Variants in VPS37A observed in about 807,000 individuals in gnomAD.
VPS37A encodes VPS37A subunit of ESCRT-I.
A neutral mutation model predicts 49.8 loss-of-function variants in VPS37A; 30 were observed. That is an observed-to-expected ratio of 0.60 (90% CI 0.45 to 0.82). The LOEUF (loss-of-function observed/expected upper bound fraction) is 0.82. Among genes scored for constraint, VPS37A ranks in the 40% least tolerant of loss-of-function variants. VPS37A has a pLI of 0.00. For missense variants in VPS37A, 593 were observed against 464.4 expected (o/e 1.28, Z -2.55); for synonymous variants, 195 against 160.6 (o/e 1.21, Z -1.62).
downstream of VPS37A, chr8:17,305,787 C>T: frequency 6.2e-7 from 1 of 1,613,368 alleles, no homozygotes; most frequent in Non-Finnish European, 8.5e-7. Context: ...TTGGCTGTTA[C>T]ATAGGAAGTT....
chr8:17,295,143 T>C lies in VPS37A; in HGVS notation c.*157T>C, dbSNP rs962757692. On this transcript the variant is annotated 3_prime_UTR_variant, in exon 12 of 12. Coordinates refer to ENST00000324849, the MANE Select transcript of VPS37A (RefSeq NM_152415.3). ...GAACTGAGACTGATTTTGTACCGAT[T>C]AGAATGATTGCTATGATCTTTGAGA... The C allele has an allele frequency of 6.6e-6, 1 of 152,644 alleles. No homozygotes were observed. Among genetic ancestry groups the C allele is most frequent in the African/African-American group, 2.4e-5 (1 of 41,450 alleles). The allele number at this position is 152,644 out of a possible 1,614,324, so 9.5% of individuals were successfully genotyped here. A position where few individuals can be genotyped will look rare whatever the true frequency, so the allele number is the denominator to read the frequency against.
the VPS37A span, among the ~76,000 whole-genome samples, chr8:17,330,102 A>T: frequency 6.6e-6 from 1 of 152,216 alleles, no homozygotes; most frequent in Non-Finnish European, 1.5e-5. Context: ...GATGAACCAG[A>T]AAGTCCAGGA....
chr8:17,258,574 T>C (rs748763477), intron 1 of VPS37A, among the ~76,000 whole-genome samples: 5 of 152,312 alleles, frequency 3.3e-5, no homozygotes, highest in Admixed American at 6.5e-5. Flanking sequence ...GTATGTATGT[T>C]AATCTGTAAT....
the VPS37A span, among the ~76,000 whole-genome samples, chr8:17,316,748 C>T: frequency 6.6e-6 from 1 of 152,234 alleles, no homozygotes; most frequent in South Asian, 2.1e-4. Flanking sequence ...TTAAGTATTG[C>T]AAGTAATCTA....
chr8:17,249,375 G>C, intron 1 of VPS37A, among the ~76,000 whole-genome samples: 1 of 152,196 alleles, frequency 6.6e-6, no homozygotes, highest in East Asian at 1.9e-4. Flanking sequence ...TTTTGAACCA[G>C]AAATTATGAA....
At chr8:17,300,935 C>T (rs186881215), downstream of VPS37A, among the ~76,000 whole-genome samples, 110 of 152,318 alleles carry the variant, frequency 7.2e-4, no homozygotes, top group African/African-American at 2.5e-3. Flanking sequence ...ATTCATGGTA[C>T]AGCATGTATC....
At chr8:17,328,621 G>A in the VPS37A span, among the ~76,000 whole-genome samples, 3 of 152,114 alleles carry the variant, frequency 2.0e-5, no homozygotes, top group African/African-American at 7.2e-5. Context: ...TGCCTGCTAG[G>A]CTTAACAGTT....
chr8:17,254,080 A>G (rs1465341799), intron 1 of VPS37A, among the ~76,000 whole-genome samples: 7 of 151,948 alleles, frequency 4.6e-5, no homozygotes, highest in East Asian at 3.9e-4. Context: ...TTATGTTTCA[A>G]TTTGTTGAAT....
chr8:17,330,769 A>C, the VPS37A span, among the ~76,000 whole-genome samples: 1 of 152,228 alleles, frequency 6.6e-6, no homozygotes, highest in African/African-American at 2.4e-5. Flanking sequence ...AGCAAGGATC[A>C]GTTTTTGAGC....
the VPS37A span, among the ~76,000 whole-genome samples, chr8:17,321,573 G>C: frequency 7.9e-5 from 12 of 152,356 alleles, no homozygotes; most frequent in East Asian, 1.9e-4. Context: ...ATACACTTGA[G>C]ACCAAAGCGA....
chr8:17,271,854 T>C, intron 4 of VPS37A: 1 of 397,518 alleles, frequency 2.5e-6, no homozygotes, highest in Admixed American at 3.0e-5. Context: ...GTTTGAACTT[T>C]GCTTTTAGAG....
rs754427964 is a variant in VPS37A at position 17,247,235 on chromosome 8, C to G, written c.-10C>G. The G allele has an allele frequency of 6.4e-7, 1 of 1,566,790 alleles. No homozygotes were observed. Among genetic ancestry groups the G allele is most frequent in the Non-Finnish European group, 8.7e-7 (1 of 1,155,674 alleles). On this transcript the variant is annotated 5_prime_UTR_variant, in exon 1 of 12. Transcript: ENST00000324849. ...CCTTCCAGGGCCTCCGGCCCGTGGACCCGAGGAGGATGAGCTGGCTTTTTC... is the reference window on the plus strand; with the variant it reads ...CCTTCCAGGGCCTCCGGCCCGTGGAGCCGAGGAGGATGAGCTGGCTTTTTC...
At chr8:17,304,362 A>G, downstream of VPS37A, 1 of 1,606,386 alleles carries the variant, frequency 6.2e-7, no homozygotes, top group Non-Finnish European at 8.5e-7. Context: ...CTACAAAGTT[A>G]CCAAGGATTT....
At chr8:17,289,638 C>G (rs952941640) in intron 11 of VPS37A, among the ~76,000 whole-genome samples, 1 of 152,140 alleles carries the variant, frequency 6.6e-6, no homozygotes, top group South Asian at 2.1e-4. Flanking sequence ...TAGCATGATG[C>G]CTGCCGCCAG....
At chr8:17,260,478 T>G (rs1317617622) in intron 1 of VPS37A, among the ~76,000 whole-genome samples, 24 of 152,156 alleles carry the variant, frequency 1.6e-4, no homozygotes, top group Non-Finnish European at 5.9e-5. Flanking sequence ...ACTGGAATTA[T>G]AAGTGGATTG....
chr8:17,272,369 C>A (rs1814075755), intron 4 of VPS37A, among the ~76,000 whole-genome samples: 1 of 152,124 alleles, frequency 6.6e-6, no homozygotes, highest in Non-Finnish European at 1.5e-5. Flanking sequence ...GTTCTAGAGT[C>A]CTGAGTCCTT....
intron 1 of VPS37A, among the ~76,000 whole-genome samples, chr8:17,260,575 C>G (rs188547764): frequency 6.6e-6 from 1 of 152,104 alleles, no homozygotes; most frequent in South Asian, 2.1e-4. Context: ...GATGTTTTCT[C>G]TTTGCACATT....
intron 1 of VPS37A, among the ~76,000 whole-genome samples, chr8:17,261,246 T>C (rs1194787912): frequency 6.6e-6 from 1 of 152,252 alleles, no homozygotes; most frequent in East Asian, 1.9e-4. Context: ...CCTGATCCAT[T>C]CTGCCATGGA....
intron 1 of VPS37A, among the ~76,000 whole-genome samples, chr8:17,251,426 G>C (rs184434241): frequency 3.3e-5 from 5 of 152,310 alleles, no homozygotes; most frequent in Admixed American, 3.3e-4. Context: ...AAGACATTTG[G>C]AAGAGTATCT....
Sources: gnomAD v4.1 joint callset for allele counts (sites outside exome capture counted in the v4.1 genomes callset) on GRCh38, gnomAD v4.1.1 for gene constraint, MANE v1.5 for transcripts, NCBI Gene and HGNC (gene_info 2026-07-23, HGNC 2026-07-21) for gene names.